Variants in SMYD3 observed in about 807,000 individuals in gnomAD.
SMYD3 encodes SET and MYND domain containing 3.
A neutral mutation model predicts 57.7 loss-of-function variants in SMYD3; 36 were observed. That is an observed-to-expected ratio of 0.62 (90% CI 0.48 to 0.82). The LOEUF (loss-of-function observed/expected upper bound fraction) is 0.82. Ranked by LOEUF, SMYD3 falls within the 40% of genes least tolerant of loss-of-function variation. SMYD3 has a pLI of 0.00. For missense variants in SMYD3, 515 were observed against 538.8 expected (o/e 0.96, Z 0.44); for synonymous variants, 211 against 195.0 (o/e 1.08, Z -0.68).
At chr1:246,361,229 A>G (rs2065981690) in intron 1 of SMYD3, among the ~76,000 whole-genome samples, 2 of 152,248 alleles carry the variant, frequency 1.3e-5, no homozygotes, top group Non-Finnish European at 2.9e-5. Flanking sequence ...GGAAATGCAA[A>G]TCAAAACCAC....
At chr1:246,195,135 T>G (rs2062811966) in intron 5 of SMYD3, among the ~76,000 whole-genome samples, 1 of 152,186 alleles carries the variant, frequency 6.6e-6, no homozygotes, top group Non-Finnish European at 1.5e-5. Context: ...TGTAGTTGCC[T>G]GGAAATTTAT....
chr1:245,988,720 CCAGGCCAAT>C (rs1199842315), intron 5 of SMYD3, among the ~76,000 whole-genome samples: 1 of 152,224 alleles, frequency 6.6e-6, no homozygotes, highest in Non-Finnish European at 1.5e-5. Flanking sequence ...GGACCAGAGC[CCAGGCCAAT>C]CAGCAGATGG....
At chr1:245,774,825 C>T (rs920728759) in intron 10 of SMYD3, among the ~76,000 whole-genome samples, 2 of 152,088 alleles carry the variant, frequency 1.3e-5, no homozygotes, top group Admixed American at 1.3e-4. Context: ...CTCAGCCTGC[C>T]GAGTGCCTGC....
intron 1 of SMYD3, among the ~76,000 whole-genome samples, chr1:246,463,760 C>CA (rs2067840951): frequency 7.2e-6 from 1 of 138,750 alleles, no homozygotes; most frequent in Admixed American, 7.8e-5. Flanking sequence ...GGCGTGAACC[C>CA]AGGAGGCGGA....
chr1:246,277,827 T>C (rs1195220393), intron 5 of SMYD3, among the ~76,000 whole-genome samples: 6 of 152,214 alleles, frequency 3.9e-5, no homozygotes, highest in Admixed American at 1.3e-4. Context: ...AAAAGTCATC[T>C]ATAGATACAA....
intron 1 of SMYD3, among the ~76,000 whole-genome samples, chr1:246,382,411 T>C (rs2066403523): frequency 6.6e-6 from 1 of 151,894 alleles, no homozygotes; most frequent in South Asian, 2.1e-4. Flanking sequence ...CCAGGACCCA[T>C]GCCCACTCTA....
intron 5 of SMYD3, among the ~76,000 whole-genome samples, chr1:245,959,453 T>C (rs2057943313): frequency 6.6e-6 from 1 of 152,208 alleles, no homozygotes; most frequent in African/African-American, 2.4e-5. Context: ...TGGCTCTGAC[T>C]TGGTTGTGTG....
chr1:246,309,162 A>AG (rs1249929615), intron 5 of SMYD3, among the ~76,000 whole-genome samples: 1 of 152,192 alleles, frequency 6.6e-6, no homozygotes, highest in Non-Finnish European at 1.5e-5. Context: ...ACTAAAAAAA[A>AG]GTTAAAAAAA....
At chr1:246,455,992 A>C (rs1558472993) in intron 1 of SMYD3, among the ~76,000 whole-genome samples, 1 of 152,226 alleles carries the variant, frequency 6.6e-6, no homozygotes, top group Non-Finnish European at 1.5e-5. Context: ...TCTGAGTCAT[A>C]GCAGGGAAAA....
intron 1 of SMYD3, among the ~76,000 whole-genome samples, chr1:246,490,398 T>A (rs1238755296): frequency 6.6e-6 from 1 of 152,168 alleles, no homozygotes; most frequent in Non-Finnish European, 1.5e-5. Context: ...CAAATTTCAG[T>A]CACTGAGACA....
At position 246,289,847 on chromosome 1, in the gene SMYD3, A is replaced by G. The variant is rs116249533; in HGVS notation, c.531+37354T>C. On this transcript the variant is annotated intron_variant, in intron 5 of 11. Transcript: ENST00000490107. Reference sequence around the variant, plus strand: ...GGATACACAGACTTCCTCAGTAGGGACTATTCCCATATATCATAAATATAG... The same window carrying G: ...GGATACACAGACTTCCTCAGTAGGGGCTATTCCCATATATCATAAATATAG... Among the ~76,000 whole-genome samples, 526 of 152,330 alleles carry G rather than the reference A, an allele frequency of 3.5e-3. 1 individual carries two copies. The highest frequency in any genetic ancestry group is 0.012 in the African/African-American group (498 of 41,570).
intron 9 of SMYD3, 57 bp from the exon 10 acceptor site, chr1:245,858,727 A>G (rs2051382968): frequency 1.3e-6 from 2 of 1,553,486 alleles, no homozygotes; most frequent in South Asian, 2.4e-5. Context: ...AACAAACAAA[A>G]TTAGATTCTC....
intron 1 of SMYD3, among the ~76,000 whole-genome samples, chr1:246,427,795 G>A (rs951034814): frequency 1.3e-5 from 2 of 152,106 alleles, no homozygotes; most frequent in South Asian, 2.1e-4. Flanking sequence ...TTGAGGCTGC[G>A]ATGAGCCATG....
At chr1:246,304,525 G>C (rs558592618) in intron 5 of SMYD3, among the ~76,000 whole-genome samples, 1 of 151,648 alleles carries the variant, frequency 6.6e-6, no homozygotes, top group East Asian at 1.9e-4. Context: ...ACATAAGCAG[G>C]AAAAAAAATA....
intron 10 of SMYD3, among the ~76,000 whole-genome samples, chr1:245,765,045 TACACACACACACACAC>T (rs3085339): frequency 1.5e-5 from 2 of 134,744 alleles, no homozygotes; most frequent in African/African-American, 2.8e-5. Context: ...TGGAAATGCC[TACACACACACACACAC>T]ACACACACAC....
At position 246,002,328 on chromosome 1, in the gene SMYD3, GCTCCCGC is replaced by G. The variant is rs2059074218; in HGVS notation, c.532-72398_532-72392del. Among the ~76,000 whole-genome samples the G allele has an allele frequency of 4.2e-5, 3 of 71,196 alleles. No individual in the cohort carries two copies. In the South Asian group the frequency reaches 1.5e-3, roughly 36 times the overall value. 46.7% of individuals were successfully genotyped at this position (71,196 alleles called of 152,430 possible). On this transcript the variant is annotated intron_variant, in intron 5 of 11. Coordinates refer to ENST00000490107, the MANE Select transcript of SMYD3 (RefSeq NM_001167740.2). Reference sequence around the variant, plus strand: ...GCCTCCCGAGTAGCTGGGACTGCAGGCTCCCGCCACCACGCCCGGCTAATTTTTTGTA... The same window carrying G: ...GCCTCCCGAGTAGCTGGGACTGCAGGCACCACGCCCGGCTAATTTTTTGTA...
At chr1:245,941,975 G>A (rs1263223300) in intron 5 of SMYD3, among the ~76,000 whole-genome samples, 1 of 152,108 alleles carries the variant, frequency 6.6e-6, no homozygotes, top group Non-Finnish European at 1.5e-5. Context: ...GCTCCTAAAG[G>A]AAGCACTAAA....
chr1:246,397,888 G>C (rs1354572663), intron 1 of SMYD3, among the ~76,000 whole-genome samples: 1 of 145,696 alleles, frequency 6.9e-6, no homozygotes, highest in Non-Finnish European at 1.5e-5. Context: ...CCTCTGGGGT[G>C]GGGGCACAAG....
At chr1:246,449,175 T>A (rs2067595569) in intron 1 of SMYD3, among the ~76,000 whole-genome samples, 1 of 152,044 alleles carries the variant, frequency 6.6e-6, no homozygotes, top group Non-Finnish European at 1.5e-5. Flanking sequence ...GAGACTGCAA[T>A]GAGCCATGAT....
Sources: gnomAD v4.1 joint callset for allele counts (sites outside exome capture counted in the v4.1 genomes callset) on GRCh38, gnomAD v4.1.1 for gene constraint, MANE v1.5 for transcripts, NCBI Gene and HGNC (gene_info 2026-07-23, HGNC 2026-07-21) for gene names.